The following ZNF487 variants were observed in gnomAD, a reference collection of about 807,000 sequenced individuals.
The protein encoded by ZNF487 is zinc finger protein 487.
Under a neutral mutation model 3.0 loss-of-function variants are expected in ZNF487, and 4 were observed. The ratio of observed to expected loss-of-function variants is 1.35; its 90% CI spans 0.66 to 3.08. The LOEUF is 3.08. Ranked by LOEUF, ZNF487 falls within the 30% of genes most tolerant of loss-of-function variation. ZNF487 has a pLI of 0.01. For missense variants in ZNF487, 146 were observed against 98.7 expected, an observed-to-expected ratio of 1.48 and a Z score of -2.03; for synonymous variants, 55 against 34.6, an observed-to-expected ratio of 1.59 and a Z score of -2.06.
chr10:43,502,542 T>TAACTAAATAACTAA, the ZNF487 span, among the ~76,000 whole-genome samples: 1 of 152,084 alleles, frequency 6.6e-6, no homozygotes. Flanking sequence ...AGAAACTAAA[T>TAACTAAATAACTAA]ACCTAAATAA....
chr10:43,521,248 T>G, the ZNF487 span, among the ~76,000 whole-genome samples: 1 of 152,208 alleles, frequency 6.6e-6, no homozygotes, highest in East Asian at 1.9e-4. Context: ...CTTTTTAATA[T>G]GGGTTTATTT....
chr10:43,449,640 T>C (rs1839936939), intron 1 of ZNF487, among the ~76,000 whole-genome samples: 1 of 152,130 alleles, frequency 6.6e-6, no homozygotes, highest in Non-Finnish European at 1.5e-5. Flanking sequence ...CTGTTTATAT[T>C]GTTGTAATGT....
chr10:43,512,636 C>T, the ZNF487 span, among the ~76,000 whole-genome samples: 87 of 152,202 alleles, frequency 5.7e-4, 1 homozygote, highest in Non-Finnish European at 1.2e-3. Context: ...AGGCTCCAAA[C>T]AGCACCCTGT....
At chr10:43,437,639 G>C (rs1276016429) in intron 1 of ZNF487, among the ~76,000 whole-genome samples, 2 of 152,054 alleles carry the variant, frequency 1.3e-5, no homozygotes, top group African/African-American at 2.4e-5. Flanking sequence ...TATTTTTTAA[G>C]GCAGTACATT....
At chr10:43,462,681 C>T (rs1698091624) in intron 1 of ZNF487, among the ~76,000 whole-genome samples, 1 of 151,856 alleles carries the variant, frequency 6.6e-6, no homozygotes, top group Middle Eastern at 3.4e-3. Flanking sequence ...GTCACGATCT[C>T]TTGACCTCGT....
At chr10:43,509,163 C>T in the ZNF487 span, among the ~76,000 whole-genome samples, 2 of 149,602 alleles carry the variant, frequency 1.3e-5, no homozygotes, top group South Asian at 4.3e-4. Context: ...TACTGCACTC[C>T]AGCGTGGGTG....
At chr10:43,447,082 G>A (rs1448630213) in intron 1 of ZNF487, among the ~76,000 whole-genome samples, 8 of 151,934 alleles carry the variant, frequency 5.3e-5, no homozygotes, top group Admixed American at 2.6e-4. Flanking sequence ...CCAGGCACTC[G>A]GCAGGCTGAG....
chr10:43,441,126 C>T (rs1377642456), intron 1 of ZNF487, among the ~76,000 whole-genome samples: 1 of 122,458 alleles, frequency 8.2e-6, no homozygotes, highest in African/African-American at 3.1e-5. Flanking sequence ...TGGGCTTAAG[C>T]AATCCTTCCA....
chr10:43,463,356 G>A (rs1357215262), intron 1 of ZNF487, among the ~76,000 whole-genome samples: 4 of 151,826 alleles, frequency 2.6e-5, no homozygotes, highest in Non-Finnish European at 5.9e-5. Flanking sequence ...TGGCCAACAT[G>A]GCGAAACCCT....
chr10:43,477,442 C>T (rs955906987), intron 3 of ZNF487, among the ~76,000 whole-genome samples: 1 of 151,818 alleles, frequency 6.6e-6, no homozygotes, highest in African/African-American at 2.4e-5. Flanking sequence ...TGATCTGCCC[C>T]CCTTGGCCTC....
At chr10:43,478,711 C>T (rs1285841963) in intron 3 of ZNF487, among the ~76,000 whole-genome samples, 4 of 151,834 alleles carry the variant, frequency 2.6e-5, no homozygotes, top group African/African-American at 9.7e-5. Flanking sequence ...AGAGTAAGAG[C>T]CTGTCTGTAA....
chr10:43,486,575 GGGCAAAATATTTTT>G (rs564712172), downstream of ZNF487, among the ~76,000 whole-genome samples: 32 of 151,756 alleles, frequency 2.1e-4, 2 homozygotes, highest in Middle Eastern at 3.5e-3. Context: ...GCAAAGAAAT[GGGCAAAATATTTTT>G]GGCAAAAGCA....
chr10:43,463,537 C>T (rs1197535028), intron 1 of ZNF487, among the ~76,000 whole-genome samples: 1 of 147,882 alleles, frequency 6.8e-6, no homozygotes, highest in Non-Finnish European at 1.5e-5. Flanking sequence ...AACACTGTCT[C>T]GAAAAAAAAA....
the ZNF487 span, among the ~76,000 whole-genome samples, chr10:43,495,534 G>A: frequency 3.9e-4 from 60 of 152,162 alleles, no homozygotes; most frequent in African/African-American, 1.4e-3. Context: ...GTGAGCCACC[G>A]CACCCAGCCC....
chr10:43,489,727 A>G, the ZNF487 span, among the ~76,000 whole-genome samples: 1 of 152,230 alleles, frequency 6.6e-6, no homozygotes, highest in African/African-American at 2.4e-5. Flanking sequence ...GAATACTTGT[A>G]ATGTCAAAAA....
chr10:43,493,784 A>T, the ZNF487 span, among the ~76,000 whole-genome samples: 17 of 148,846 alleles, frequency 1.1e-4, no homozygotes, highest in Middle Eastern at 3.5e-3. Flanking sequence ...TAATTAGATA[A>T]GAAAACTACC....
the ZNF487 span, among the ~76,000 whole-genome samples, chr10:43,498,099 A>ATATATATTT: frequency 1.3e-3 from 26 of 20,184 alleles, no homozygotes; most frequent in Non-Finnish European, 1.3e-3. Context: ...ATATATATAT[A>ATATATATTT]TTTTTTTTTT....
chr10:43,493,709 A>AAAAAAAAAATATAT, the ZNF487 span, among the ~76,000 whole-genome samples: 2 of 43,720 alleles, frequency 4.6e-5, no homozygotes, highest in African/African-American at 1.7e-4. Flanking sequence ...AAAAAAAAAA[A>AAAAAAAAAATATAT]ATATATATAT....
the ZNF487 span, among the ~76,000 whole-genome samples, chr10:43,519,049 C>T: frequency 2.5e-4 from 38 of 152,156 alleles, no homozygotes; most frequent in African/African-American, 8.2e-4. Context: ...CTATAACTGA[C>T]AAAAATGAAA....
Sources: gnomAD v4.1 joint callset for allele counts (sites outside exome capture counted in the v4.1 genomes callset) on GRCh38, gnomAD v4.1.1 for gene constraint, MANE v1.5 for transcripts, NCBI Gene and HGNC (gene_info 2026-07-23, HGNC 2026-07-21) for gene names.